ESRRB: variants seen among roughly 807,000 people sequenced by gnomAD.
ESRRB encodes the protein steroid hormone receptor ERR2.
In ESRRB, 16 loss-of-function variants were observed where a neutral mutation model predicts 46.0. The ratio of observed to expected loss-of-function variants is 0.35; its 90% CI spans 0.24 to 0.53. The LOEUF (loss-of-function observed/expected upper bound fraction) is 0.53, where lower values mean the gene tolerates loss of function less well. Among genes scored for constraint, ESRRB ranks in the 20% least tolerant of loss-of-function variants. ESRRB has a pLI of 0.93. For synonymous variants in ESRRB, 246 were observed against 259.6 expected, an observed-to-expected ratio of 0.95 and a Z score of 0.50; for missense variants, 488 against 607.4, an observed-to-expected ratio of 0.80 and a Z score of 2.07.
intron 1 of ESRRB, among the ~76,000 whole-genome samples, chr14:76,400,695 C>T (rs1397693305): frequency 1.3e-5 from 2 of 152,286 alleles, no homozygotes; most frequent in East Asian, 3.9e-4. Flanking sequence ...TGGAAACTAG[C>T]TGTCCTCAAG....
intron 6 of ESRRB, among the ~76,000 whole-genome samples, chr14:76,492,152 G>C (rs1360619148): frequency 6.6e-6 from 1 of 152,292 alleles, no homozygotes; most frequent in South Asian, 2.1e-4. Flanking sequence ...CACATAAAAA[G>C]CACTCAATTA....
At chr14:76,392,713 C>T (rs772106815) in intron 1 of ESRRB, among the ~76,000 whole-genome samples, 1 of 152,246 alleles carries the variant, frequency 6.6e-6, no homozygotes, top group Non-Finnish European at 1.5e-5. Flanking sequence ...GCATGTGGCT[C>T]GGGGGCTGCC....
In ESRRB at chr14:76,500,608, C is replaced by T; in HGVS notation, c.*2150C>T. 7.0e-7 allele frequency: 1 copy of T among 1,422,900 alleles called. No homozygotes were observed. The highest frequency in any genetic ancestry group is 1.1e-5 in the South Asian group (1 of 87,296). The allele number at this position is 1,422,900 out of a possible 1,614,324, so 88.1% of individuals were successfully genotyped here. A position where few individuals can be genotyped will look rare whatever the true frequency, so the allele number is the denominator to read the frequency against. The stretch of plus-strand genomic sequence containing the variant: ...TCCTTGCAGCGGGGCCGAGGTAGCA[C>T]CCTGCTCTGTCACTTCCTGCTCAAG... On this transcript the variant is annotated 3_prime_UTR_variant, in exon 7 of 7. Coordinates refer to ENST00000644823, the MANE Select transcript of ESRRB (RefSeq NM_001379180.1).
chr14:76,433,962 ATT>A (rs35905714), intron 1 of ESRRB, among the ~76,000 whole-genome samples: 20,022 of 132,762 alleles, frequency 0.15, 1,250 homozygotes, highest in African/African-American at 0.21. Context: ...CTGCCTTTAC[ATT>A]TTTTTTTTTT....
chr14:76,426,965 T>C (rs532453064), intron 1 of ESRRB, among the ~76,000 whole-genome samples: 23 of 152,340 alleles, frequency 1.5e-4, no homozygotes, highest in African/African-American at 5.5e-4. Flanking sequence ...AGAAGCCCCC[T>C]TGAGTAAACT....
intron 1 of ESRRB, among the ~76,000 whole-genome samples, chr14:76,360,726 T>C (rs1409298206): frequency 6.6e-6 from 1 of 152,150 alleles, no homozygotes; most frequent in Non-Finnish European, 1.5e-5. Context: ...GCAGACTGCT[T>C]TATCAGAGGG....
chr14:76,482,148 G>T lies in ESRRB; in HGVS notation c.688+22G>T, dbSNP rs540563188. 5 of 1,566,792 alleles carry T rather than the reference G, an allele frequency of 3.2e-6. No homozygotes were observed. The highest frequency in any genetic ancestry group is 3.3e-4 in the Middle Eastern group (2 of 5,972). On this transcript the variant is annotated intron_variant, in intron 4 of 6. Transcript: ENST00000644823. This position sits in a 1 kb window ranked among gnomAD's most constrained non-coding sequence, Gnocchi z 4.3. Reference sequence around the variant, plus strand: ...CCATGTGAGTGTCAGGGCAGTCCCTGCCCCTTTTGCCAGCATCTGTACCTG... The same window carrying T: ...CCATGTGAGTGTCAGGGCAGTCCCTTCCCCTTTTGCCAGCATCTGTACCTG...
chr14:76,354,220 A>AACC (rs1884348768), intron 1 of ESRRB, among the ~76,000 whole-genome samples: 1 of 28,290 alleles, frequency 3.5e-5, no homozygotes, highest in East Asian at 6.3e-3. Context: ...AGGGTCCTCT[A>AACC]CCCGCCCCCC....
chr14:76,403,059 GGAATTACA>G (rs1886011357), intron 1 of ESRRB, among the ~76,000 whole-genome samples: 1 of 152,100 alleles, frequency 6.6e-6, no homozygotes, highest in African/African-American at 2.4e-5. Context: ...CCAAAGTGCT[GGAATTACA>G]GGTGTAAGCC....
At chr14:76,445,346 C>T (rs1028538153) in intron 2 of ESRRB, among the ~76,000 whole-genome samples, 5 of 150,982 alleles carry the variant, frequency 3.3e-5, no homozygotes, top group African/African-American at 4.9e-5. Context: ...TGGCGCATGC[C>T]TGTAATCCCA....
At chr14:76,327,431 G>T (rs1883943989) in intron 1 of ESRRB, among the ~76,000 whole-genome samples, 1 of 152,144 alleles carries the variant, frequency 6.6e-6, no homozygotes. Flanking sequence ...CACTATGTGA[G>T]GTGGTAGGTT....
intron 1 of ESRRB, among the ~76,000 whole-genome samples, chr14:76,430,123 C>T (rs1233168692): frequency 6.6e-6 from 1 of 152,108 alleles, no homozygotes; most frequent in Non-Finnish European, 1.5e-5. Context: ...ACATGGTCCT[C>T]CCCATCCTAC....
chr14:76,386,054 A>G (rs1055140327), intron 1 of ESRRB, among the ~76,000 whole-genome samples: 4 of 152,208 alleles, frequency 2.6e-5, no homozygotes. Flanking sequence ...ATAATCTCAC[A>G]ATTATAGTCT....
intron 1 of ESRRB, among the ~76,000 whole-genome samples, chr14:76,416,762 C>T (rs112632754): frequency 6.6e-6 from 1 of 152,186 alleles, no homozygotes; most frequent in Non-Finnish European, 1.5e-5. Context: ...AGCCACTATT[C>T]CTGGCCCATC....
At chr14:76,399,100 A>G (rs1383237947) in intron 1 of ESRRB, among the ~76,000 whole-genome samples, 1 of 152,058 alleles carries the variant, frequency 6.6e-6, no homozygotes, top group Admixed American at 6.5e-5. Context: ...TTTTTTGCAG[A>G]TGGGTCCAAA....
At chr14:76,490,251 T>C (rs1160992102) in intron 5 of ESRRB, among the ~76,000 whole-genome samples, 2 of 152,228 alleles carry the variant, frequency 1.3e-5, no homozygotes, top group Non-Finnish European at 2.9e-5. Context: ...CCAGTGAAGT[T>C]ACTGCCTTGT....
intron 1 of ESRRB, among the ~76,000 whole-genome samples, chr14:76,406,970 C>T (rs979143756): frequency 1.3e-5 from 2 of 152,192 alleles, no homozygotes; most frequent in Non-Finnish European, 2.9e-5. Flanking sequence ...TGTCTGGCAC[C>T]TAAAGGCTCC....
At chr14:76,469,929 G>GTTTTTTTTTTTTTCTTTTT (rs1889295075) in intron 3 of ESRRB, among the ~76,000 whole-genome samples, 3 of 78,750 alleles carry the variant, frequency 3.8e-5, no homozygotes, top group Non-Finnish European at 8.4e-5. Flanking sequence ...GTTTTTTGTT[G>GTTTTTTTTTTTTTCTTTTT]TTTTTTTTTT....
intron 1 of ESRRB, among the ~76,000 whole-genome samples, chr14:76,377,629 A>G (rs946752019): frequency 6.6e-6 from 1 of 151,934 alleles, no homozygotes; most frequent in African/African-American, 2.4e-5. Flanking sequence ...GCGTTTCTCC[A>G]GTTCCACCGT....
Sources: gnomAD v4.1 joint callset for allele counts (sites outside exome capture counted in the v4.1 genomes callset) on GRCh38, gnomAD v4.1.1 for gene constraint, Gnocchi (gnomAD v3.1) non-coding constraint, MANE v1.5 for transcripts, NCBI Gene and HGNC (gene_info 2026-07-23, HGNC 2026-07-21) for gene names.